UNC5A: variants seen among roughly 807,000 people sequenced by gnomAD.
UNC5A encodes netrin receptor UNC5A.
Under a neutral mutation model 87.4 loss-of-function variants are expected in UNC5A, and 20 were observed. The ratio of observed to expected loss-of-function variants is 0.23; its 90% CI spans 0.16 to 0.33. UNC5A has a LOEUF of 0.33. Among genes scored for constraint, UNC5A ranks in the 10% least tolerant of loss-of-function variants. UNC5A has a pLI of 1.00. For synonymous variants in UNC5A, 438 were observed against 482.3 expected (o/e 0.91, Z 1.20); for missense variants, 844 against 1,133.4 (o/e 0.74, Z 3.67).
In UNC5A at chr5:176,879,848, G is replaced by A; in HGVS notation, c.2491G>A (p.Asp831Asn). 1 of 1,612,460 alleles carries A rather than the reference G, an allele frequency of 6.2e-7. No individual in the cohort carries two copies. Among genetic ancestry groups the A allele is most frequent in the Non-Finnish European group, 8.5e-7 (1 of 1,179,800 alleles). The change falls in exon 15 of 15, where the codon GAC becomes AAC. Residue 831 changes from aspartate (D) to asparagine (N), a missense_variant. Asp to Asn is a conservative substitution (Grantham distance 23, BLOSUM62 1). This residue lies in a region of UNC5A where 177 missense variants were observed against 279.4 expected (regional missense o/e 0.63). Transcript: ENST00000329542. Reference sequence around the variant, plus strand: ...AGCAGTGGCTGGACTGGGCCAGCCAGACGCTGGCCTCTTCACAGTGTCGGA... The same window carrying A: ...AGCAGTGGCTGGACTGGGCCAGCCAAACGCTGGCCTCTTCACAGTGTCGGA... Reference protein sequence around the residue: ...AAAVAGLGQPDAGLFTVSEAE... With the variant: ...AAAVAGLGQPNAGLFTVSEAE...
intron 2 of UNC5A, 123 bp from the exon 3 acceptor site, chr5:176,868,003 TAAAA>T: frequency 1.7e-6 from 1 of 571,916 alleles, no homozygotes; most frequent in Non-Finnish European, 2.5e-6. Context: ...TAATAAAATT[TAAAA>T]AAAAAAAAAC....
At chr5:176,813,674 C>T (rs1756523330) in intron 1 of UNC5A, among the ~76,000 whole-genome samples, 1 of 152,222 alleles carries the variant, frequency 6.6e-6, no homozygotes, top group South Asian at 2.1e-4. Flanking sequence ...TCACGGCCCT[C>T]GTTCCCAGGA....
intron 1 of UNC5A, among the ~76,000 whole-genome samples, chr5:176,851,956 G>A (rs1167704745): frequency 6.6e-6 from 1 of 152,204 alleles, no homozygotes; most frequent in Non-Finnish European, 1.5e-5. Context: ...CATGGTCGCT[G>A]TGTGTCCTTG....
chr5:176,858,782 AGCAG>A (rs60460581), intron 1 of UNC5A, among the ~76,000 whole-genome samples: 5 of 131,750 alleles, frequency 3.8e-5, no homozygotes, highest in East Asian at 2.5e-4. Flanking sequence ...AAGGCAAGCA[AGCAG>A]GCAGGGAGGG....
In UNC5A at chr5:176,866,799, G is replaced by T. The variant is rs1757985699; in HGVS notation, c.293-1331G>T. 6.6e-6 allele frequency among the ~76,000 whole-genome samples: 1 copy of T among 152,134 alleles called. No individual in the cohort carries two copies. Among genetic ancestry groups the T allele is most frequent in the African/African-American group, 2.4e-5 (1 of 41,430 alleles). On this transcript the variant is annotated intron_variant, in intron 2 of 14. Coordinates refer to ENST00000329542, the MANE Select transcript of UNC5A (RefSeq NM_133369.3). The surrounding 1 kb of genome is among the most constrained non-coding windows in gnomAD (Gnocchi z 5.0). ...CCTGCCCACCCCACCCCCTGAGAGTGTCCACACTGGGTGTCTTAGAGAACG... is the reference window on the plus strand; with the variant it reads ...CCTGCCCACCCCACCCCCTGAGAGTTTCCACACTGGGTGTCTTAGAGAACG...
chr5:176,845,186 A>T (rs955806231), intron 1 of UNC5A, among the ~76,000 whole-genome samples: 1 of 151,950 alleles, frequency 6.6e-6, no homozygotes, highest in African/African-American at 2.4e-5. Flanking sequence ...AGCCTGTTCC[A>T]GGTCAGGCAG....
chr5:176,874,455 G>A lies in UNC5A; in HGVS notation c.1267G>A (p.Val423Ile), dbSNP rs1041183670. 5.0e-6 allele frequency: 8 copies of A among 1,610,584 alleles called. No individual in the cohort carries two copies. The highest frequency in any genetic ancestry group is 1.1e-5 in the South Asian group (1 of 90,740). Residue 423 changes from valine to isoleucine, a missense_variant, in exon 8 of 15, where the codon GTC becomes ATC. This residue lies in a region of UNC5A where 353 missense variants were observed against 387.5 expected (regional missense o/e 0.91). Coordinates refer to ENST00000329542, the MANE Select transcript of UNC5A (RefSeq NM_133369.3). The surrounding 1 kb of genome is among the most constrained non-coding windows in gnomAD (Gnocchi z 7.6). ...TCCCACCTCTGAGGCCGAGGAGTTC[G>A]TCTCCCGCCTCTCCACCCAGAACTA... The part of the protein sequence containing the change: ...SSPTSEAEEF[V>I]SRLSTQNYFR...
intron 1 of UNC5A, among the ~76,000 whole-genome samples, chr5:176,835,623 G>C (rs1256916211): frequency 6.6e-6 from 1 of 152,208 alleles, no homozygotes; most frequent in African/African-American, 2.4e-5. Context: ...CCAGCGTGCA[G>C]GTGTGCCAGT....
chr5:176,837,394 A>G (rs1757172389), intron 1 of UNC5A, among the ~76,000 whole-genome samples: 1 of 152,162 alleles, frequency 6.6e-6, no homozygotes, highest in Admixed American at 6.5e-5. Context: ...TCTCCGGCTG[A>G]CTTCCCAGAG....
chr5:176,824,718 T>C lies in UNC5A; in HGVS notation c.70+13898T>C, dbSNP rs571474996. On this transcript the variant is annotated intron_variant, in intron 1 of 14. Transcript: ENST00000329542. The surrounding 1 kb of genome is among the most constrained non-coding windows in gnomAD (Gnocchi z 4.2). ...TTGGCAGATGAACACCCCCTACTGC[T>C]AGGTGCCTCCATGCCCATGCACCCC... is the stretch of plus-strand genomic sequence containing the variant. Among the ~76,000 whole-genome samples the C allele has an allele frequency of 6.5e-4, 98 of 151,432 alleles. No individual in the cohort carries two copies. Among genetic ancestry groups the C allele is most frequent in the African/African-American group, 2.3e-3 (94 of 41,236 alleles).
intron 1 of UNC5A, among the ~76,000 whole-genome samples, chr5:176,815,852 T>C (rs1047236671): frequency 2.0e-5 from 3 of 152,148 alleles, no homozygotes; most frequent in Non-Finnish European, 4.4e-5. Context: ...TGCAGGGACT[T>C]GGGCCTGATT....
chr5:176,840,867 C>T (rs1488915044), intron 1 of UNC5A, among the ~76,000 whole-genome samples: 3 of 152,352 alleles, frequency 2.0e-5, no homozygotes, highest in Admixed American at 6.5e-5. Flanking sequence ...CACCCTGCCC[C>T]GCCTTTGTTA....
At chr5:176,816,481 G>T (rs1035953734) in intron 1 of UNC5A, among the ~76,000 whole-genome samples, 8 of 152,262 alleles carry the variant, frequency 5.3e-5, no homozygotes, top group Non-Finnish European at 8.8e-5. Flanking sequence ...GACCCCAGGG[G>T]CCCAGAACCC....
chr5:176,830,583 C>T (rs1245669954), intron 1 of UNC5A, among the ~76,000 whole-genome samples: 31 of 82,882 alleles, frequency 3.7e-4, no homozygotes, highest in Non-Finnish European at 6.8e-4. Flanking sequence ...TGTGTGTGCG[C>T]GTGCTGGTGT....
Position 176,841,378 on chromosome 5 carries a change from G to A in UNC5A, c.71-21246G>A, listed in dbSNP as rs1475056854. On this transcript the variant is annotated intron_variant, in intron 1 of 14. Coordinates refer to ENST00000329542, the MANE Select transcript of UNC5A (RefSeq NM_133369.3). This position sits in a 1 kb window ranked among gnomAD's most constrained non-coding sequence, Gnocchi z 4.1. ...CCACCACCCCAGAGCTGCACCCAGG[G>A]CTGAGCCTAGAAGAGCTGTGAGATG... Among the ~76,000 whole-genome samples the A allele has an allele frequency of 2.0e-5, 3 of 152,192 alleles. No homozygotes were observed. Among genetic ancestry groups the A allele is most frequent in the East Asian group, 3.8e-4 (2 of 5,204 alleles).
rs1758237401 is a variant in UNC5A, at chr5:176,875,369, C to T, written c.1378+803C>T. Among the ~76,000 whole-genome samples the T allele has an allele frequency of 6.6e-6, 1 of 152,150 alleles. No homozygotes were observed. Among genetic ancestry groups the T allele is most frequent in the South Asian group, 2.1e-4 (1 of 4,828 alleles). On this transcript the variant is annotated intron_variant, in intron 8 of 14. Coordinates refer to ENST00000329542, the MANE Select transcript of UNC5A (RefSeq NM_133369.3). The surrounding 1 kb of genome is among the most constrained non-coding windows in gnomAD (Gnocchi z 5.2). ...AACAGAACCGTCTCCCACCCTCCCC[C>T]AGAGCCTCCCCATTCCTGGCTTCCC...
rs1198793021 is a variant in UNC5A, at chr5:176,865,380, A to G, written c.292+2535A>G. The G allele has an allele frequency of 5.7e-6, 2 of 349,980 alleles. No homozygotes were observed. Among genetic ancestry groups the G allele is most frequent in the African/African-American group, 4.3e-5 (2 of 46,488 alleles). The allele number at this position is 349,980 out of a possible 1,614,324, so 21.7% of individuals were successfully genotyped here. A position where few individuals can be genotyped will look rare whatever the true frequency, so the allele number is the denominator to read the frequency against. On this transcript the variant is annotated intron_variant, in intron 2 of 14. Coordinates refer to ENST00000329542, the MANE Select transcript of UNC5A (RefSeq NM_133369.3). The surrounding 1 kb of genome is among the most constrained non-coding windows in gnomAD (Gnocchi z 5.3). The stretch of plus-strand genomic sequence containing the variant: ...AACCCAGACCCTTGCCTGAATGAGC[A>G]GTCGCAGGCCCGGGCCGGCACACAC...
intron 1 of UNC5A, among the ~76,000 whole-genome samples, chr5:176,821,214 A>T (rs962848979): frequency 1.3e-5 from 2 of 152,064 alleles, no homozygotes; most frequent in African/African-American, 4.8e-5. Flanking sequence ...TCTGCTTCCG[A>T]GCGTGGTTCC....
intron 1 of UNC5A, among the ~76,000 whole-genome samples, chr5:176,840,781 G>C (rs757836795): frequency 9.9e-5 from 15 of 152,238 alleles, no homozygotes; most frequent in Non-Finnish European, 2.1e-4. Context: ...TTCTGCAGTG[G>C]GACAAACGGG....
Sources: allele counts gnomAD v4.1 joint callset (sites outside exome capture counted in the v4.1 genomes callset), GRCh38; gene constraint gnomAD v4.1.1; regional missense constraint gnomAD v4.1.1; non-coding constraint Gnocchi (gnomAD v3.1); transcripts MANE v1.5; gene names NCBI Gene and HGNC (gene_info 2026-07-23, HGNC 2026-07-21).